The following C17orf67 variants were observed in gnomAD, a reference collection of about 807,000 sequenced individuals.
C17orf67 encodes the protein uncharacterized protein C17orf67.
C17orf67 carries 12 observed loss-of-function variants against 11.2 expected under a neutral mutation model. The observed-to-expected ratio is 1.07, with a 90% confidence interval of 0.68 to 1.73. The LOEUF is 1.73. Among genes scored for constraint, C17orf67 ranks in the 40% most tolerant of loss-of-function variants. The pLI is 0.00. For missense variants in C17orf67, 115 were observed against 113.5 expected, an observed-to-expected ratio of 1.01 and a Z score of -0.06; for synonymous variants, 59 against 46.9, an observed-to-expected ratio of 1.26 and a Z score of -1.05.
At chr17:56,831,516 A>G (rs905352686) in intron 2 of C17orf67, among the ~76,000 whole-genome samples, 2 of 152,188 alleles carry the variant, frequency 1.3e-5, no homozygotes, top group African/African-American at 2.4e-5. Context: ...CAATCACAGC[A>G]TCAGCAAGGA....
Position 56,833,636 on chromosome 17 carries a change from G to A in C17orf67, c.-1020C>T, listed in dbSNP as rs1906326765. On this transcript the variant is annotated 5_prime_UTR_variant, in exon 1 of 8. Transcript: ENST00000397861. ...CACCTACCTCAGCCCGCCGCGGCCA[G>A]GTCGGGCGGTGCCGCGCAGGCCGCC... is the stretch of plus-strand genomic sequence containing the variant. 1 of 151,774 alleles carries A rather than the reference G, an allele frequency of 6.6e-6. No individual in the cohort carries two copies. Among genetic ancestry groups the A allele is most frequent in the East Asian group, 2.0e-4 (1 of 5,110 alleles). The allele number at this position is 151,774 out of a possible 1,614,324, so 9.4% of individuals were successfully genotyped here.
At chr17:56,800,760 T>C (rs146624648) in intron 6 of C17orf67, among the ~76,000 whole-genome samples, 266 of 152,316 alleles carry the variant, frequency 1.7e-3, no homozygotes, top group African/African-American at 6.1e-3. Context: ...TCCATAGACT[T>C]TTCCCAGCAT....
intron 2 of C17orf67, among the ~76,000 whole-genome samples, chr17:56,829,285 A>G (rs1906127323): frequency 1.3e-5 from 2 of 152,280 alleles, no homozygotes; most frequent in South Asian, 4.1e-4. Flanking sequence ...GCAAAAAAAT[A>G]AAATAAAATA....
Position 56,811,728 on chromosome 17 carries a change from A to G in C17orf67, c.156+3141T>C, listed in dbSNP as rs1188156828. On this transcript the variant is annotated intron_variant, in intron 6 of 7. Coordinates refer to ENST00000397861, the MANE Select transcript of C17orf67 (RefSeq NM_001085430.4). Reference sequence around the variant, plus strand: ...TGCTTAGTAGGGCATGGTCAATATAAAATCTAATTAAGTGCACATCTTGAT... The same window carrying G: ...TGCTTAGTAGGGCATGGTCAATATAGAATCTAATTAAGTGCACATCTTGAT... Among the ~76,000 whole-genome samples the G allele has an allele frequency of 2.6e-5, 4 of 152,182 alleles. No individual in the cohort carries two copies. In the East Asian group the frequency reaches 7.7e-4, roughly 29 times the overall value.
At chr17:56,815,070 A>G in intron 5 of C17orf67, 101 bp from the exon 6 acceptor site, 2 of 1,013,172 alleles carry the variant, frequency 2.0e-6, no homozygotes, top group Non-Finnish European at 3.1e-6. Flanking sequence ...AATTTTGGTT[A>G]AAACATGAAA....
intron 6 of C17orf67, among the ~76,000 whole-genome samples, chr17:56,801,785 C>A (rs116113791): frequency 1.8e-4 from 27 of 152,274 alleles, no homozygotes; most frequent in African/African-American, 6.3e-4. Context: ...TTGGGAGGAA[C>A]AGGAAGGCCG....
chr17:56,805,446 T>G (rs1337773198), intron 6 of C17orf67, among the ~76,000 whole-genome samples: 1 of 152,120 alleles, frequency 6.6e-6, no homozygotes, highest in African/African-American at 2.4e-5. Flanking sequence ...CTGCACCCAC[T>G]CCTCCTGCCC....
intron 6 of C17orf67, among the ~76,000 whole-genome samples, chr17:56,809,795 T>A (rs1905556579): frequency 8.6e-6 from 1 of 116,080 alleles, no homozygotes; most frequent in East Asian, 2.9e-4. Flanking sequence ...CACAGACCCC[T>A]CACACACCCC....
At chr17:56,823,987 C>G (rs1248767326) in intron 4 of C17orf67, among the ~76,000 whole-genome samples, 2 of 152,206 alleles carry the variant, frequency 1.3e-5, no homozygotes, top group African/African-American at 4.8e-5. Context: ...GAGCCTGATA[C>G]AAAAGCTTAT....
intron 4 of C17orf67, among the ~76,000 whole-genome samples, chr17:56,819,223 T>C (rs1414586339): frequency 3.3e-5 from 5 of 152,064 alleles, no homozygotes; most frequent in African/African-American, 1.2e-4. Context: ...ACAAGCCCAC[T>C]CCCGCCTCAG....
chr17:56,799,114 G>A (rs1490249957), intron 6 of C17orf67, among the ~76,000 whole-genome samples: 2 of 152,142 alleles, frequency 1.3e-5, no homozygotes, highest in African/African-American at 2.4e-5. Flanking sequence ...CTCCAACACT[G>A]GGGATCAAAT....
chr17:56,810,135 C>A (rs1262531683), intron 6 of C17orf67, among the ~76,000 whole-genome samples: 2 of 103,194 alleles, frequency 1.9e-5, no homozygotes, highest in Non-Finnish European at 4.1e-5. Flanking sequence ...CTTGCACAGA[C>A]CCCTCACGCA....
chr17:56,822,504 T>C (rs1460425038), intron 4 of C17orf67, among the ~76,000 whole-genome samples: 3 of 152,196 alleles, frequency 2.0e-5, no homozygotes, highest in Non-Finnish European at 2.9e-5. Flanking sequence ...AGAATTATAA[T>C]AAAATTCACC....
rs1905994061 is a variant in C17orf67 at position 56,825,092 on chromosome 17, G to A, written c.-327C>T. ...GAATAAAGAATTACCTAGGGAACTT[G>A]TTAAGAAGTTAGATTCCTAGCTCCA... On this transcript the variant is annotated 5_prime_UTR_variant, in exon 3 of 8. Coordinates refer to ENST00000397861, the MANE Select transcript of C17orf67 (RefSeq NM_001085430.4). 1 of 152,218 alleles carries A rather than the reference G, an allele frequency of 6.6e-6. No individual in the cohort carries two copies. The highest frequency in any genetic ancestry group is 2.4e-5 in the African/African-American group (1 of 41,466). The allele number at this position is 152,218 out of a possible 1,614,324, so 9.4% of individuals were successfully genotyped here.
chr17:56,797,023 G>A (rs1408861301), intron 6 of C17orf67, among the ~76,000 whole-genome samples: 101 of 152,104 alleles, frequency 6.6e-4, no homozygotes, highest in Non-Finnish European at 5.9e-5. Flanking sequence ...GCTTTGGGTA[G>A]GATTCCCCTC....
intron 2 of C17orf67, among the ~76,000 whole-genome samples, chr17:56,831,274 A>G (rs1331947482): frequency 2.0e-5 from 3 of 152,078 alleles, no homozygotes; most frequent in African/African-American, 7.2e-5. Context: ...AGACTCACTG[A>G]GGCCTGCGGG....
At chr17:56,821,252 C>T (rs1204793173) in intron 4 of C17orf67, among the ~76,000 whole-genome samples, 1 of 152,092 alleles carries the variant, frequency 6.6e-6, no homozygotes, top group Non-Finnish European at 1.5e-5. Context: ...AATGTGTCGA[C>T]ATTTTTTAGG....
At chr17:56,810,042 ACACACACCCCT>A (rs1420958420) in intron 6 of C17orf67, among the ~76,000 whole-genome samples, 2 of 128,396 alleles carry the variant, frequency 1.6e-5, no homozygotes, top group East Asian at 2.5e-4. Flanking sequence ...TGCATCCCTC[ACACACACCCCT>A]CACACACCCC....
intron 5 of C17orf67, among the ~76,000 whole-genome samples, chr17:56,815,541 A>G (rs1361027456): frequency 6.6e-6 from 1 of 152,212 alleles, no homozygotes; most frequent in African/African-American, 2.4e-5. Flanking sequence ...TTTGAGAATT[A>G]GTGCTCAAAT....
Sources: gnomAD v4.1 joint callset for allele counts (sites outside exome capture counted in the v4.1 genomes callset) on GRCh38, gnomAD v4.1.1 for gene constraint, MANE v1.5 for transcripts, NCBI Gene and HGNC (gene_info 2026-07-23, HGNC 2026-07-21) for gene names.